SYNJ2BP: variants seen among roughly 807,000 people sequenced by gnomAD.
The protein encoded by SYNJ2BP is synaptojanin-2-binding protein.
In SYNJ2BP, 10 loss-of-function variants were observed where a neutral mutation model predicts 16.9. The ratio of observed to expected loss-of-function variants is 0.59; its 90% CI spans 0.36 to 1.00. SYNJ2BP has a LOEUF of 1.00. Among genes scored for constraint, SYNJ2BP ranks in the 50% least tolerant of loss-of-function variants. The pLI, the probability that SYNJ2BP is intolerant of heterozygous loss-of-function variation, is 0.01. For synonymous variants in SYNJ2BP, 54 were observed against 68.4 expected (o/e 0.79, Z 1.04); for missense variants, 162 against 186.7 (o/e 0.87, Z 0.77).
chr14:70,405,967 A>G (rs1166256214), intron 1 of SYNJ2BP, among the ~76,000 whole-genome samples: 2 of 152,160 alleles, frequency 1.3e-5, no homozygotes, highest in Non-Finnish European at 2.9e-5. Context: ...ACTATTATTT[A>G]TTGTGTCTTG....
intron 1 of SYNJ2BP, among the ~76,000 whole-genome samples, chr14:70,392,622 T>A (rs548927593): frequency 6.6e-6 from 1 of 152,236 alleles, no homozygotes; most frequent in South Asian, 2.1e-4. Context: ...AATGAATAAA[T>A]ATACAGTAGA....
chr14:70,380,876 T>C (rs1412654319), intron 2 of SYNJ2BP, among the ~76,000 whole-genome samples: 1 of 152,178 alleles, frequency 6.6e-6, no homozygotes, highest in East Asian at 1.9e-4. Context: ...CTATATACTT[T>C]GAATACTGTG....
chr14:70,379,846 G>A (rs1367841953), intron 2 of SYNJ2BP, among the ~76,000 whole-genome samples: 1 of 152,190 alleles, frequency 6.6e-6, no homozygotes, highest in Non-Finnish European at 1.5e-5. Flanking sequence ...GTAAGTTAAT[G>A]ATGCAGTCAT....
Position 70,371,008 on chromosome 14 carries a change from A to T in SYNJ2BP, c.*1983T>A, listed in dbSNP as rs997134070. The T allele has an allele frequency of 6.6e-6, 1 of 152,236 alleles. No individual in the cohort carries two copies. The highest frequency in any genetic ancestry group is 1.5e-5 in the Non-Finnish European group (1 of 68,044). The allele number at this position is 152,236 out of a possible 1,614,324, so 9.4% of individuals were successfully genotyped here. A position where few individuals can be genotyped will look rare whatever the true frequency, so the allele number is the denominator to read the frequency against. ...CTTCTTTGTAAAAGTGTCTTGACAA[A>T]GCTGATGTCCAATCAACATTTAATT... On this transcript the variant is annotated 3_prime_UTR_variant, in exon 4 of 4. Transcript: ENST00000256366.
intron 2 of SYNJ2BP, 43 bp from the exon 3 acceptor site, chr14:70,375,814 T>C (rs201312428): frequency 3.1e-5 from 50 of 1,597,082 alleles, no homozygotes; most frequent in Non-Finnish European, 4.1e-5. Context: ...AGAAGGCTAT[T>C]AGAAGTCAAC....
At chr14:70,375,572 G>A in intron 3 of SYNJ2BP, 104 bp downstream of exon 3, 1 of 1,392,316 alleles carries the variant, frequency 7.2e-7, no homozygotes. Context: ...TCAGGGGAGT[G>A]AGGGTAAAAC....
At chr14:70,393,449 TG>T (rs1475411847) in intron 1 of SYNJ2BP, among the ~76,000 whole-genome samples, 2 of 152,198 alleles carry the variant, frequency 1.3e-5, no homozygotes, top group East Asian at 3.8e-4. Flanking sequence ...ATCCCATTAC[TG>T]GGTATATACC....
intron 1 of SYNJ2BP, among the ~76,000 whole-genome samples, chr14:70,415,418 G>A (rs1888582325): frequency 6.6e-6 from 1 of 151,668 alleles, no homozygotes; most frequent in South Asian, 2.1e-4. Context: ...GGGCGTGGCA[G>A]TGCACACCCA....
chr14:70,398,666 G>A (rs559106346), intron 1 of SYNJ2BP, among the ~76,000 whole-genome samples: 1 of 152,272 alleles, frequency 6.6e-6, no homozygotes, highest in African/African-American at 2.4e-5. Flanking sequence ...GAACCTTCCT[G>A]GGCCCCTGAG....
rs1432603626 is a variant in SYNJ2BP, at chr14:70,388,490, C to A, written c.181G>T (p.Glu61Ter). Reference sequence around the variant, plus strand: ...CTCACCGAAAGGATCTTATCACCCTCCTGGAGCCGCCCATCCAGGGCCGCA... The same window carrying A: ...CTCACCGAAAGGATCTTATCACCCTACTGGAGCCGCCCATCCAGGGCCGCA... ...GAAALDGRLQ[E>*]GDKILSVNGQ... Residue 61 changes from glutamate to a stop codon, truncating the protein, a stop_gained, in exon 2 of 4, where the codon GAG becomes TAG. Coordinates refer to ENST00000256366, the MANE Select transcript of SYNJ2BP (RefSeq NM_018373.3). LOFTEE classifies it high-confidence loss of function. 6.3e-7 allele frequency: 1 copy of A among 1,585,012 alleles called. No homozygotes were observed. Among genetic ancestry groups the A allele is most frequent in the Non-Finnish European group, 8.6e-7 (1 of 1,167,608 alleles).
At chr14:70,416,794 G>T in intron 1 of SYNJ2BP, 106 bp downstream of exon 1, 1 of 1,561,142 alleles carries the variant, frequency 6.4e-7, no homozygotes, top group South Asian at 1.2e-5. Flanking sequence ...CCTCTAGGTT[G>T]TGGCCTGCCC....
At chr14:70,406,903 ACT>A (rs1243346468) in intron 1 of SYNJ2BP, among the ~76,000 whole-genome samples, 4 of 151,676 alleles carry the variant, frequency 2.6e-5, no homozygotes, top group Non-Finnish European at 5.9e-5. Flanking sequence ...TGTGAATGAA[ACT>A]CTTTCTCTAT....
At chr14:70,412,631 A>ATATATACAGTATATATATATATATAT in intron 1 of SYNJ2BP, among the ~76,000 whole-genome samples, 1 of 149,318 alleles carries the variant, frequency 6.7e-6, no homozygotes, top group Admixed American at 6.7e-5. Flanking sequence ...TATATATAGT[A>ATATATACAGTATATATATATATATAT]ACTAGCACAC....
chr14:70,388,542 G>T lies in SYNJ2BP; in HGVS notation c.129C>A (p.Tyr43Ter). 6.2e-7 allele frequency: 1 copy of T among 1,600,826 alleles called. No homozygotes were observed. Among genetic ancestry groups the T allele is most frequent in the Non-Finnish European group, 8.5e-7 (1 of 1,173,952 alleles). ...QQYVSNDSGI[Y>*]VSRIKENGAA... Reference sequence around the variant, plus strand: ...CCCCATTTTCTTTGATGCGGCTGACGTAGATGCCACTGTCGTTGGAGACAT... The same window carrying T: ...CCCCATTTTCTTTGATGCGGCTGACTTAGATGCCACTGTCGTTGGAGACAT... The change falls in exon 2 of 4, where the codon TAC becomes TAA. Residue 43 changes from tyrosine to a stop codon, truncating the protein, a stop_gained. Coordinates refer to ENST00000256366, the MANE Select transcript of SYNJ2BP (RefSeq NM_018373.3). LOFTEE classifies it high-confidence loss of function.
intron 1 of SYNJ2BP, among the ~76,000 whole-genome samples, chr14:70,407,429 C>CA (rs71105710): frequency 0.015 from 1,615 of 110,910 alleles, 16 homozygotes; most frequent in African/African-American, 0.044. Flanking sequence ...GACTCCGTCT[C>CA]AAAAAAAAAA....
chr14:70,381,100 T>A (rs543629097), intron 2 of SYNJ2BP, among the ~76,000 whole-genome samples: 25 of 152,268 alleles, frequency 1.6e-4, no homozygotes, highest in Non-Finnish European at 3.5e-4. Flanking sequence ...TGACATAATC[T>A]CAGTACTACA....
chr14:70,411,625 A>G (rs771686421), intron 1 of SYNJ2BP, among the ~76,000 whole-genome samples: 29 of 152,094 alleles, frequency 1.9e-4, no homozygotes, highest in African/African-American at 7.0e-4. Context: ...TCTTCTCTCT[A>G]TTATTGCTTA....
chr14:70,373,808 G>T (rs1287645074), intron 3 of SYNJ2BP, among the ~76,000 whole-genome samples: 1 of 152,162 alleles, frequency 6.6e-6, no homozygotes, highest in East Asian at 1.9e-4. Context: ...TCCTTTTGAG[G>T]CTGGATGGTC....
rs1887422482 is a variant in SYNJ2BP at position 70,367,637 on chromosome 14, T to C, written c.*5354A>G. ...TCAGAATCCTTAAAATACTGTCTTC[T>C]TTTTTATCACAATTGCCCTTTTGGA... On this transcript the variant is annotated 3_prime_UTR_variant, in exon 4 of 4. Transcript: ENST00000256366. 1 of 151,936 alleles carries C rather than the reference T, an allele frequency of 6.6e-6. No individual in the cohort carries two copies. The highest frequency in any genetic ancestry group is 1.5e-5 in the Non-Finnish European group (1 of 67,976). The allele number at this position is 151,936 out of a possible 1,614,324, so 9.4% of individuals were successfully genotyped here.
Sources: gnomAD v4.1 joint callset for allele counts (sites outside exome capture counted in the v4.1 genomes callset) on GRCh38, gnomAD v4.1.1 for gene constraint, MANE v1.5 for transcripts, NCBI Gene and HGNC (gene_info 2026-07-23, HGNC 2026-07-21) for gene names.